PRSS23: variants seen among roughly 807,000 people sequenced by gnomAD.
The protein encoded by PRSS23 is serine protease 23.
Under a neutral mutation model 34.7 loss-of-function variants are expected in PRSS23, and 25 were observed. The ratio of observed to expected loss-of-function variants is 0.72; its 90% CI spans 0.53 to 1.01. The LOEUF (loss-of-function observed/expected upper bound fraction) is 1.01. Among genes scored for constraint, PRSS23 ranks in the 50% least tolerant of loss-of-function variants. The pLI, the probability that PRSS23 is intolerant of heterozygous loss-of-function variation, is 0.00. For missense variants in PRSS23, 445 were observed against 475.6 expected (o/e 0.94, Z 0.60); for synonymous variants, 176 against 186.6 (o/e 0.94, Z 0.46).
chr11:86,834,440 T>A (rs539906132), intron 2 of PRSS23, among the ~76,000 whole-genome samples: 3 of 152,190 alleles, frequency 2.0e-5, no homozygotes, highest in Non-Finnish European at 4.4e-5. Flanking sequence ...TCTATAAGCA[T>A]TTCTAATGAA....
At chr11:86,848,568 G>A (rs1948505231) in intron 2 of PRSS23, among the ~76,000 whole-genome samples, 1 of 152,192 alleles carries the variant, frequency 6.6e-6, no homozygotes, top group African/African-American at 2.4e-5. Context: ...TTCTAGAAAT[G>A]CTGCGGGAGG....
rs1328677720 is a variant in PRSS23, at chr11:86,865,570, G to A, written c.206+41977G>A. Among the ~76,000 whole-genome samples the A allele has an allele frequency of 2.0e-5, 3 of 152,234 alleles. No homozygotes were observed. In the East Asian group the frequency reaches 5.8e-4, roughly 29 times the overall value. ...AAAGGACAGGCAGGTAGAGCTGCAG[G>A]AGGGAGAAAGCAAGCTGTTGTACAA... is the stretch of plus-strand genomic sequence containing the variant. On this transcript the variant is annotated intron_variant, in intron 2 of 2. Transcript: ENST00000533902.
chr11:86,898,572 C>T (rs1052747824), intron 2 of PRSS23, among the ~76,000 whole-genome samples: 1 of 152,194 alleles, frequency 6.6e-6, no homozygotes, highest in African/African-American at 2.4e-5. Flanking sequence ...TGAAGCGGAG[C>T]ACCTTTCAGA....
At chr11:86,828,017 G>A (rs1413988519) in intron 2 of PRSS23, among the ~76,000 whole-genome samples, 2 of 152,160 alleles carry the variant, frequency 1.3e-5, no homozygotes, top group East Asian at 1.9e-4. Context: ...GGTCCACTTG[G>A]TGCAGAGCTG....
intron 2 of PRSS23, chr11:86,932,673 C>G (rs1949133946): frequency 6.6e-6 from 1 of 151,650 alleles, no homozygotes; most frequent in Non-Finnish European, 1.5e-5. Context: ...TTTGTTTTCT[C>G]AAAACCACTT....
Position 86,870,447 on chromosome 11 carries a change from C to T in PRSS23, c.206+46854C>T, listed in dbSNP as rs141887774. On this transcript the variant is annotated intron_variant, in intron 2 of 2. Transcript: ENST00000533902. ...CCCAAAAGTAGCTTTAATCTATTCT[C>T]CTTTGGCAGAGATGGGGGTGAGCTA... 3.9e-5 allele frequency among the ~76,000 whole-genome samples: 6 copies of T among 152,246 alleles called. No individual in the cohort carries two copies. The East Asian group carries it at 1.2e-3, about 29-fold the overall frequency.
chr11:86,823,239 A>C, intron 1 of PRSS23: 3 of 614,910 alleles, frequency 4.9e-6, no homozygotes, highest in Non-Finnish European at 8.6e-6. Context: ...AATCTGTAAA[A>C]GCATCATAAA....
At chr11:86,792,369 C>G (rs1947956971) in intron 1 of PRSS23, among the ~76,000 whole-genome samples, 1 of 152,232 alleles carries the variant, frequency 6.6e-6, no homozygotes, top group South Asian at 2.1e-4. Context: ...GCATTTTCTC[C>G]TTTCTGCCTC....
At chr11:86,927,499 A>AT (rs1949089554) in intron 2 of PRSS23, among the ~76,000 whole-genome samples, 1 of 152,062 alleles carries the variant, frequency 6.6e-6, no homozygotes, top group Non-Finnish European at 1.5e-5. Flanking sequence ...TTACCTTCTC[A>AT]TTTTTTAAAT....
intron 2 of PRSS23, among the ~76,000 whole-genome samples, chr11:86,929,991 T>C (rs1435905119): frequency 6.6e-6 from 1 of 152,142 alleles, no homozygotes; most frequent in East Asian, 1.9e-4. Flanking sequence ...GCAATACTAA[T>C]AGTATAACAC....
chr11:86,905,728 T>G (rs886554180), intron 2 of PRSS23, among the ~76,000 whole-genome samples: 1 of 152,194 alleles, frequency 6.6e-6, no homozygotes, highest in African/African-American at 2.4e-5. Flanking sequence ...TCAAGCTTAA[T>G]AGAAGGCAGG....
intron 2 of PRSS23, chr11:86,937,941 A>G (rs1346619827): frequency 6.6e-6 from 1 of 152,186 alleles, no homozygotes; most frequent in African/African-American, 2.4e-5. Flanking sequence ...CTTAGAGATG[A>G]TTTTTGTGAA....
Position 86,834,538 on chromosome 11 carries a change from TTCCTTTCCTTTCCTTTTTCCTTTCC to T in PRSS23, c.206+10947_206+10971del, listed in dbSNP as rs1278069883. Among the ~76,000 whole-genome samples the T allele has an allele frequency of 2.8e-4, 38 of 136,774 alleles. No individual in the cohort carries two copies. In the East Asian group the frequency reaches 5.3e-3, roughly 19 times the overall value. The allele number at this position is 136,774 out of a possible 152,430, so 89.7% of individuals were successfully genotyped here. On this transcript the variant is annotated intron_variant, in intron 2 of 2. Transcript: ENST00000533902. Reference sequence around the variant, plus strand: ...TTCCTTTCCTTTCCTTTCCTTTCCTTTCCTTTCCTTTCCTTTTTCCTTTCCTTTCCTTTCCTTTCCTTTCCTTTCC... The same window carrying T: ...TTCCTTTCCTTTCCTTTCCTTTCCTTTTTCCTTTCCTTTCCTTTCCTTTCC...
chr11:86,796,596 G>C (rs538219197), upstream of PRSS23, among the ~76,000 whole-genome samples: 6 of 135,006 alleles, frequency 4.4e-5, no homozygotes, highest in Admixed American at 8.4e-5. Context: ...AGCCGAGATC[G>C]CGCCACTGCA....
At chr11:86,854,046 G>T (rs1462108510) in intron 2 of PRSS23, among the ~76,000 whole-genome samples, 1 of 152,162 alleles carries the variant, frequency 6.6e-6, no homozygotes, top group Non-Finnish European at 1.5e-5. Flanking sequence ...TGTCGCCCAG[G>T]CTGGAGTGCA....
chr11:86,817,145 A>AT (rs996926944), intron 1 of PRSS23, among the ~76,000 whole-genome samples: 43 of 151,612 alleles, frequency 2.8e-4, no homozygotes, highest in African/African-American at 4.1e-4. Context: ...TTTTTTTGTG[A>AT]TTTTTTTTAT....
intron 2 of PRSS23, among the ~76,000 whole-genome samples, chr11:86,846,634 C>T (rs910368204): frequency 2.0e-5 from 3 of 152,196 alleles, no homozygotes; most frequent in Admixed American, 6.5e-5. Context: ...GAGACAGCCA[C>T]ATCTTCTGAC....
chr11:86,887,468 A>G (rs1419801056), intron 2 of PRSS23, among the ~76,000 whole-genome samples: 1 of 152,084 alleles, frequency 6.6e-6, no homozygotes, highest in Non-Finnish European at 1.5e-5. Context: ...GGACTATCTC[A>G]GGAGGGAAAT....
At chr11:86,938,991 C>A in intron 2 of PRSS23, 2 of 438,644 alleles carry the variant, frequency 4.6e-6, no homozygotes. Flanking sequence ...AAATTTCTCA[C>A]TTGATGTATT....
Sources: gnomAD v4.1 joint callset for allele counts (sites outside exome capture counted in the v4.1 genomes callset) on GRCh38, gnomAD v4.1.1 for gene constraint, MANE v1.5 for transcripts, NCBI Gene and HGNC (gene_info 2026-07-23, HGNC 2026-07-21) for gene names.